Variants in TTLL5 observed in about 807,000 individuals in gnomAD.
TTLL5 encodes the protein tubulin tyrosine ligase like 5, also known as tubulin polyglutamylase TTLL5.
TTLL5 carries 132 observed loss-of-function variants against 168.4 expected under a neutral mutation model. The ratio of observed to expected loss-of-function variants is 0.78; its 90% CI spans 0.68 to 0.91. TTLL5 has a LOEUF of 0.91. Ranked by LOEUF, TTLL5 falls within the 40% of genes least tolerant of loss-of-function variation. TTLL5 has a pLI of 0.00. For synonymous variants in TTLL5, 546 were observed against 558.6 expected, an observed-to-expected ratio of 0.98 and a Z score of 0.32; for missense variants, 1,545 against 1,581.5, an observed-to-expected ratio of 0.98 and a Z score of 0.39.
chr14:75,889,416 G>C (rs1246161315), intron 30 of TTLL5, among the ~76,000 whole-genome samples: 1 of 152,176 alleles, frequency 6.6e-6, no homozygotes, highest in South Asian at 2.1e-4. Flanking sequence ...ACATAACTTT[G>C]TGCCCTACAG....
At chr14:75,932,099 A>T (rs1242584860) in intron 31 of TTLL5, among the ~76,000 whole-genome samples, 1 of 152,244 alleles carries the variant, frequency 6.6e-6, no homozygotes, top group African/African-American at 2.4e-5. Flanking sequence ...CAGTGGTAAG[A>T]TCAGCTATGC....
chr14:75,925,509 C>T (rs2034015772), intron 31 of TTLL5, among the ~76,000 whole-genome samples: 1 of 149,742 alleles, frequency 6.7e-6, no homozygotes, highest in Non-Finnish European at 1.5e-5. Context: ...CGGGCAGAGA[C>T]GCTCCTCACT....
chr14:75,879,632 T>C (rs1463891877), intron 29 of TTLL5, among the ~76,000 whole-genome samples: 1 of 152,212 alleles, frequency 6.6e-6, no homozygotes, highest in African/African-American at 2.4e-5. Flanking sequence ...GAAGTAATTT[T>C]AACTGCTTAT....
chr14:75,683,442 G>GT, intron 4 of TTLL5, 108 bp from the exon 5 acceptor site: 1 of 874,120 alleles, frequency 1.1e-6, no homozygotes. Context: ...ACCCCGGTGA[G>GT]TACACTGTGG....
chr14:75,806,484 C>G (rs997643320), intron 27 of TTLL5, among the ~76,000 whole-genome samples: 34 of 152,216 alleles, frequency 2.2e-4, no homozygotes, highest in African/African-American at 8.2e-4. Context: ...CTTTTCCAGC[C>G]TGTCTCCCTA....
rs774690827 is a variant in TTLL5 at position 75,775,562 on chromosome 14, T to A, written c.2215T>A (p.Leu739Met). 12 of 1,614,156 alleles carry A rather than the reference T, an allele frequency of 7.4e-6. No individual in the cohort carries two copies. In the Middle Eastern group the frequency reaches 8.3e-4, roughly 111 times the overall value. The change falls in exon 22 of 32, where the codon TTG becomes ATG. Residue 739 changes from leucine to methionine, a missense_variant. Leu to Met is a conservative substitution (Grantham distance 15). Coordinates refer to ENST00000298832, the MANE Select transcript of TTLL5 (RefSeq NM_015072.5). ...SLRMVLPSRR[L>M]ALLERRRILA... ...GAGGATGGTATTACCCAGTCGACGA[T>A]TGGCACTTCTGGAACGCAGAAGAAT...
chr14:75,841,077 G>A (rs1446052830), intron 28 of TTLL5, among the ~76,000 whole-genome samples: 1 of 152,124 alleles, frequency 6.6e-6, no homozygotes, highest in African/African-American at 2.4e-5. Flanking sequence ...CTGAGCAAGC[G>A]CTCACTCATC....
chr14:75,861,103 A>G (rs1477623935), intron 28 of TTLL5, among the ~76,000 whole-genome samples: 2 of 152,202 alleles, frequency 1.3e-5, no homozygotes, highest in African/African-American at 2.4e-5. Flanking sequence ...TGTCGCACTC[A>G]GAAAACTTAA....
chr14:75,837,391 A>G (rs537738999), intron 28 of TTLL5: 6 of 152,358 alleles, frequency 3.9e-5, no homozygotes, highest in African/African-American at 1.2e-4. Context: ...GAAATCACAT[A>G]TCATCATTTA....
chr14:75,813,337 T>C (rs904769618), intron 27 of TTLL5, among the ~76,000 whole-genome samples: 1 of 151,464 alleles, frequency 6.6e-6, no homozygotes, highest in Admixed American at 6.6e-5. Flanking sequence ...CGTCTTGCTC[T>C]ATTATCCAGG....
At chr14:75,946,966 A>G (rs1000856261) in intron 31 of TTLL5, among the ~76,000 whole-genome samples, 2 of 152,220 alleles carry the variant, frequency 1.3e-5, no homozygotes, top group African/African-American at 2.4e-5. Flanking sequence ...TGGAGCTGTC[A>G]TGTTGCACGA....
intron 20 of TTLL5, among the ~76,000 whole-genome samples, chr14:75,768,470 A>G (rs566356189): frequency 6.6e-6 from 1 of 152,150 alleles, no homozygotes; most frequent in Non-Finnish European, 1.5e-5. Context: ...CATCAGGGAG[A>G]CAGCCAGCTA....
At chr14:75,782,060 G>A (rs757901585) in intron 24 of TTLL5, among the ~76,000 whole-genome samples, 18 of 151,710 alleles carry the variant, frequency 1.2e-4, no homozygotes, top group South Asian at 4.2e-4. Flanking sequence ...TTGCTGTCTC[G>A]GGGTAGCTTC....
At chr14:75,922,710 C>T (rs529791109) in intron 31 of TTLL5, among the ~76,000 whole-genome samples, 13 of 152,176 alleles carry the variant, frequency 8.5e-5, no homozygotes, top group South Asian at 2.1e-4. Context: ...TGTGTCTCTG[C>T]GGGGCTTTGG....
At chr14:75,866,646 G>A (rs1344070149) in intron 29 of TTLL5, among the ~76,000 whole-genome samples, 1 of 151,988 alleles carries the variant, frequency 6.6e-6, no homozygotes, top group South Asian at 2.1e-4. Flanking sequence ...CATTCTTTTC[G>A]GCCTCCAGTC....
At chr14:75,885,867 G>A (rs552877921) in intron 30 of TTLL5, among the ~76,000 whole-genome samples, 1 of 152,092 alleles carries the variant, frequency 6.6e-6, no homozygotes, top group Non-Finnish European at 1.5e-5. Context: ...TACAGTGCCT[G>A]GTATGTAATA....
At chr14:75,833,808 C>G (rs1483108717) in intron 28 of TTLL5, among the ~76,000 whole-genome samples, 4 of 152,128 alleles carry the variant, frequency 2.6e-5, no homozygotes, top group Non-Finnish European at 5.9e-5. Context: ...TCATGCTTAC[C>G]TAGTGATAAA....
In TTLL5 at chr14:75,783,548, A is replaced by G; in HGVS notation, c.2986+18A>G. 4 of 1,607,912 alleles carry G rather than the reference A, an allele frequency of 2.5e-6. No individual in the cohort carries two copies. The South Asian group carries it at 4.4e-5, about 18-fold the overall frequency. ...AAAGGCAGGTGAGTGAGAGAACGAA[A>G]GACAGTCCACAATGTGAGCTCCTCC... On this transcript the variant is annotated intron_variant, in intron 26 of 31. Transcript: ENST00000298832.
In TTLL5 at chr14:75,764,779, G is replaced by A. The variant is rs374854761; in HGVS notation, c.1708+7G>A. ...ATGAGGCCAAAATACCCAGGTACCT[G>A]CTGGTGAGCTTTCACCAAACTCCCT... is the stretch of plus-strand genomic sequence containing the variant. On this transcript the variant is annotated splice_region_variant and intron_variant, in intron 19 of 31. Coordinates refer to ENST00000298832, the MANE Select transcript of TTLL5 (RefSeq NM_015072.5). 82 of 1,613,844 alleles carry A rather than the reference G, an allele frequency of 5.1e-5. No homozygotes were observed. Among genetic ancestry groups the A allele is most frequent in the Non-Finnish European group, 6.6e-5 (78 of 1,179,914 alleles).
Sources: allele counts gnomAD v4.1 joint callset (sites outside exome capture counted in the v4.1 genomes callset), GRCh38; gene constraint gnomAD v4.1.1; transcripts MANE v1.5; gene names NCBI Gene and HGNC (gene_info 2026-07-23, HGNC 2026-07-21).